Variants in CAMK1D observed in about 807,000 individuals in gnomAD.
The protein encoded by CAMK1D is calcium/calmodulin-dependent protein kinase type 1D.
A neutral mutation model predicts 47.7 loss-of-function variants in CAMK1D; 9 were observed. The observed-to-expected ratio is 0.19, with a 90% CI of 0.11 to 0.33. The LOEUF (loss-of-function observed/expected upper bound fraction) is 0.33. Among genes scored for constraint, CAMK1D ranks in the 10% least tolerant of loss-of-function variants. The probability of loss-of-function intolerance (pLI) is 1.00; values close to 1 mark genes in which losing one functional copy is unlikely to be tolerated. For missense variants in CAMK1D, 291 were observed against 488.7 expected (o/e 0.60, Z 3.81); for synonymous variants, 184 against 184.9 (o/e 0.99, Z 0.04).
intron 1 of CAMK1D, among the ~76,000 whole-genome samples, chr10:12,387,349 A>G (rs1419712606): frequency 8.3e-6 from 1 of 120,238 alleles, no homozygotes; most frequent in Non-Finnish European, 1.7e-5. Context: ...TATATATATT[A>G]TATTTTATAT....
chr10:12,700,369 A>C (rs932656147), intron 3 of CAMK1D, among the ~76,000 whole-genome samples: 13 of 152,166 alleles, frequency 8.5e-5, no homozygotes, highest in African/African-American at 3.1e-4. Flanking sequence ...TGCAAGAGGG[A>C]GAAGCTCCTT....
intron 1 of CAMK1D, among the ~76,000 whole-genome samples, chr10:12,403,796 C>G (rs1360903392): frequency 6.6e-6 from 1 of 151,214 alleles, no homozygotes; most frequent in Admixed American, 6.6e-5. Context: ...TGTTTTTTCC[C>G]CCATCAGCAT....
intron 1 of CAMK1D, among the ~76,000 whole-genome samples, chr10:12,404,933 C>T (rs1839364925): frequency 6.6e-6 from 1 of 152,064 alleles, no homozygotes; most frequent in Non-Finnish European, 1.5e-5. Context: ...CATCCGCCTG[C>T]CTCAGCCTCC....
chr10:12,416,656 T>G (rs1447464658), intron 1 of CAMK1D, among the ~76,000 whole-genome samples: 1 of 152,068 alleles, frequency 6.6e-6, no homozygotes, highest in Non-Finnish European at 1.5e-5. Context: ...AAGGCCGGGG[T>G]CTTGCTGAGC....
chr10:12,797,367 A>AAAAAC (rs1361467110), intron 6 of CAMK1D, among the ~76,000 whole-genome samples: 2 of 152,194 alleles, frequency 1.3e-5, no homozygotes, highest in East Asian at 3.9e-4. Flanking sequence ...CCAGCTAATT[A>AAAAAC]AAAACAAAAC....
At chr10:12,451,597 G>T (rs1833085021) in intron 1 of CAMK1D, among the ~76,000 whole-genome samples, 1 of 152,178 alleles carries the variant, frequency 6.6e-6, no homozygotes, top group African/African-American at 2.4e-5. Context: ...GATAATAGTG[G>T]CACTTAATAA....
intron 1 of CAMK1D, among the ~76,000 whole-genome samples, chr10:12,471,385 C>T (rs577005328): frequency 1.3e-5 from 2 of 152,328 alleles, no homozygotes; most frequent in Non-Finnish European, 2.9e-5. Context: ...AACAGCACCT[C>T]GTTCAAGGTG....
At chr10:12,603,692 C>T (rs960603078) in intron 2 of CAMK1D, among the ~76,000 whole-genome samples, 2 of 152,178 alleles carry the variant, frequency 1.3e-5, no homozygotes, top group Admixed American at 1.3e-4. Flanking sequence ...CCGCTTGACC[C>T]ATTCCCCCAG....
At chr10:12,585,256 C>G (rs1837781559) in intron 2 of CAMK1D, among the ~76,000 whole-genome samples, 1 of 152,202 alleles carries the variant, frequency 6.6e-6, no homozygotes, top group East Asian at 1.9e-4. Flanking sequence ...ATTGCTGGGC[C>G]CCGTCCCCAG....
At chr10:12,773,766 C>T (rs1337880540) in intron 5 of CAMK1D, among the ~76,000 whole-genome samples, 2 of 152,048 alleles carry the variant, frequency 1.3e-5, no homozygotes, top group Non-Finnish European at 2.9e-5. Flanking sequence ...AGGTGGCAGG[C>T]GCCTGTAATC....
At chr10:12,505,114 T>C (rs1834830385) in intron 1 of CAMK1D, among the ~76,000 whole-genome samples, 1 of 152,254 alleles carries the variant, frequency 6.6e-6, no homozygotes, top group Admixed American at 6.5e-5. Context: ...GGAGGTGCTC[T>C]GTGAGCATTG....
chr10:12,803,434 C>T (rs916939471), intron 6 of CAMK1D, among the ~76,000 whole-genome samples: 1 of 152,298 alleles, frequency 6.6e-6, no homozygotes, highest in East Asian at 1.9e-4. Flanking sequence ...GTAATCCCAG[C>T]ACTTTGGGAG....
chr10:12,587,590 G>T (rs1351165110), intron 2 of CAMK1D, among the ~76,000 whole-genome samples: 2 of 150,436 alleles, frequency 1.3e-5, no homozygotes, highest in African/African-American at 4.9e-5. Context: ...TTCATATGCA[G>T]CCCGAGTTGA....
chr10:12,725,028 C>T (rs1197218735), intron 3 of CAMK1D, among the ~76,000 whole-genome samples: 1 of 152,214 alleles, frequency 6.6e-6, no homozygotes, highest in African/African-American at 2.4e-5. Flanking sequence ...TAACCAGGCA[C>T]ATCCGTCTAG....
chr10:12,532,048 G>T (rs1456215330), intron 1 of CAMK1D, among the ~76,000 whole-genome samples: 5 of 152,216 alleles, frequency 3.3e-5, no homozygotes, highest in Admixed American at 6.5e-5. Context: ...GCTTTGGCCA[G>T]CCCAGCCCAT....
Position 12,629,367 on chromosome 10 carries a change from C to T in CAMK1D, c.225-37369C>T, listed in dbSNP as rs368618812. ...AACTTTGCACTCGATGTAGTAAAAA[C>T]GTTTCATGCCAAGGTGTTGAAAGGC... On this transcript the variant is annotated intron_variant, in intron 2 of 10. Transcript: ENST00000619168. 1.8e-4 allele frequency among the ~76,000 whole-genome samples: 27 copies of T among 152,322 alleles called. 2 individuals are homozygous for T. The highest frequency in any genetic ancestry group is 9.8e-4 in the Admixed American group (15 of 15,302).
At chr10:12,665,841 C>T (rs1431731871) in intron 2 of CAMK1D, among the ~76,000 whole-genome samples, 1 of 152,246 alleles carries the variant, frequency 6.6e-6, no homozygotes, top group Non-Finnish European at 1.5e-5. Context: ...GAAATGCAGC[C>T]TTCGAGGCCC....
At chr10:12,426,775 C>T (rs147056568) in intron 1 of CAMK1D, among the ~76,000 whole-genome samples, 1,701 of 152,144 alleles carry the variant, frequency 0.011, 23 homozygotes, top group African/African-American at 0.039. Flanking sequence ...AGTGCAATGG[C>T]GCTATCTTGG....
intron 6 of CAMK1D, among the ~76,000 whole-genome samples, chr10:12,802,208 A>T (rs1838511264): frequency 6.6e-6 from 1 of 152,192 alleles, no homozygotes; most frequent in Non-Finnish European, 1.5e-5. Context: ...TTTATTTTCC[A>T]ATTTCTCCCC....
Sources: gnomAD v4.1 joint callset for allele counts (sites outside exome capture counted in the v4.1 genomes callset) on GRCh38, gnomAD v4.1.1 for gene constraint, MANE v1.5 for transcripts, NCBI Gene and HGNC (gene_info 2026-07-23, HGNC 2026-07-21) for gene names.